Variants in CNTN1 observed in about 807,000 individuals in gnomAD.
CNTN1 encodes the protein contactin 1.
In CNTN1, 38 loss-of-function variants were observed where a neutral mutation model predicts 126.4. The observed-to-expected ratio is 0.30, with a 90% CI of 0.23 to 0.39. The LOEUF is 0.39. Ranked by LOEUF, CNTN1 falls within the 10% of genes least tolerant of loss-of-function variation. The pLI, the probability that CNTN1 is intolerant of heterozygous loss-of-function variation, is 1.00. For missense variants in CNTN1, 1,009 were observed against 1,248.4 expected (o/e 0.81, Z 2.89); for synonymous variants, 413 against 422.6 (o/e 0.98, Z 0.28).
intron 23 of CNTN1, among the ~76,000 whole-genome samples, chr12:41,060,514 T>C (rs1009509334): frequency 6.6e-6 from 1 of 152,218 alleles, no homozygotes; most frequent in Admixed American, 6.5e-5. Context: ...CAAAATGGAA[T>C]GGGCATTTGA....
chr12:40,771,093 G>A (rs1939320444), intron 1 of CNTN1, among the ~76,000 whole-genome samples: 1 of 152,138 alleles, frequency 6.6e-6, no homozygotes, highest in South Asian at 2.1e-4. Flanking sequence ...TGCTCTAAGA[G>A]AAACCCAGGA....
At chr12:40,935,654 T>C (rs1946054816) in intron 9 of CNTN1, among the ~76,000 whole-genome samples, 2 of 152,062 alleles carry the variant, frequency 1.3e-5, no homozygotes, top group Non-Finnish European at 2.9e-5. Flanking sequence ...TAAGATTGTA[T>C]ACAAAATAAA....
chr12:40,897,174 CAG>C (rs1215936515), intron 1 of CNTN1, among the ~76,000 whole-genome samples: 1 of 152,092 alleles, frequency 6.6e-6, no homozygotes, highest in Non-Finnish European at 1.5e-5. Context: ...AATTTTGAGT[CAG>C]AGAGTATAGT....
At chr12:40,707,227 CT>C (rs370984371) in intron 1 of CNTN1, among the ~76,000 whole-genome samples, 3 of 109,164 alleles carry the variant, frequency 2.7e-5, no homozygotes, top group African/African-American at 1.2e-4. Flanking sequence ...TTTTCTTTTT[CT>C]TTTTTTTTTT....
intron 20 of CNTN1, 104 bp from the exon 21 acceptor site, chr12:41,025,046 G>A: frequency 9.2e-6 from 10 of 1,082,266 alleles, no homozygotes; most frequent in Non-Finnish European, 1.4e-5. Flanking sequence ...TTGAAAATAT[G>A]ATGATCAGCC....
chr12:40,758,797 A>AT (rs1938712861), intron 1 of CNTN1, among the ~76,000 whole-genome samples: 1 of 152,190 alleles, frequency 6.6e-6, no homozygotes, highest in Admixed American at 6.5e-5. Flanking sequence ...AAGAGACTTT[A>AT]TTCCAGTGAA....
intron 1 of CNTN1, among the ~76,000 whole-genome samples, chr12:40,709,255 G>A (rs1366079542): frequency 6.6e-6 from 1 of 152,164 alleles, no homozygotes; most frequent in Non-Finnish European, 1.5e-5. Context: ...CATTGTCAAT[G>A]AGCAGTAATA....
chr12:40,723,497 G>A (rs1439641076), intron 1 of CNTN1, among the ~76,000 whole-genome samples: 1 of 152,098 alleles, frequency 6.6e-6, no homozygotes, highest in East Asian at 1.9e-4. Flanking sequence ...CTATATAAAT[G>A]TTCATCTGAG....
intron 18 of CNTN1, 87 bp downstream of exon 18, chr12:41,014,385 T>C: frequency 7.7e-7 from 1 of 1,293,484 alleles, no homozygotes; most frequent in Non-Finnish European, 1.1e-6. Context: ...TAAATTGAGA[T>C]GAAAGTGACT....
chr12:40,919,026 T>G (rs867236139), intron 4 of CNTN1, among the ~76,000 whole-genome samples: 4 of 152,184 alleles, frequency 2.6e-5, no homozygotes, highest in African/African-American at 9.6e-5. Context: ...CACTTATAAA[T>G]TGTATAATGG....
chr12:40,819,202 A>C (rs753643052), intron 1 of CNTN1, among the ~76,000 whole-genome samples: 1 of 152,110 alleles, frequency 6.6e-6, no homozygotes, highest in Non-Finnish European at 1.5e-5. Context: ...GAAGCACTTT[A>C]TCCCTTGGTG....
chr12:40,854,153 A>G (rs1050609937), intron 1 of CNTN1, among the ~76,000 whole-genome samples: 5 of 151,768 alleles, frequency 3.3e-5, no homozygotes, highest in African/African-American at 1.2e-4. Flanking sequence ...CATGCTATCT[A>G]TACTTAGGAA....
At chr12:41,055,464 T>G (rs1254961481) in intron 23 of CNTN1, among the ~76,000 whole-genome samples, 3 of 152,112 alleles carry the variant, frequency 2.0e-5, no homozygotes, top group Non-Finnish European at 2.9e-5. Flanking sequence ...GGAAGTACCC[T>G]CCTTTTTGCT....
chr12:41,031,203 T>C (rs191667671), intron 23 of CNTN1, among the ~76,000 whole-genome samples: 2 of 152,308 alleles, frequency 1.3e-5, no homozygotes, highest in Admixed American at 1.3e-4. Flanking sequence ...CACTGGTAAA[T>C]GTTAAACAGT....
At chr12:40,877,444 A>G (rs183594706) in intron 1 of CNTN1, among the ~76,000 whole-genome samples, 1 of 152,278 alleles carries the variant, frequency 6.6e-6, no homozygotes, top group Non-Finnish European at 1.5e-5. Flanking sequence ...TATTCATATA[A>G]CCCAGTTTTC....
chr12:40,855,328 T>G (rs1942866319), intron 1 of CNTN1, among the ~76,000 whole-genome samples: 1 of 152,154 alleles, frequency 6.6e-6, no homozygotes, highest in Non-Finnish European at 1.5e-5. Flanking sequence ...TTGTCTGTTG[T>G]ATTACTCTTA....
intron 1 of CNTN1, among the ~76,000 whole-genome samples, chr12:40,901,844 C>T (rs997849096): frequency 6.6e-6 from 1 of 152,100 alleles, no homozygotes; most frequent in African/African-American, 2.4e-5. Context: ...TGTATTTGAC[C>T]ACTGCAATAA....
intron 3 of CNTN1, among the ~76,000 whole-genome samples, chr12:40,911,111 C>G (rs973293592): frequency 1.3e-5 from 2 of 152,060 alleles, no homozygotes; most frequent in Non-Finnish European, 2.9e-5. Flanking sequence ...GATGGAGTCT[C>G]GCTCTGTCAC....
intron 1 of CNTN1, among the ~76,000 whole-genome samples, chr12:40,706,670 T>C (rs1375939993): frequency 1.3e-5 from 2 of 152,210 alleles, no homozygotes; most frequent in South Asian, 2.1e-4. Flanking sequence ...TGTAATAATA[T>C]TTCATATTCT....
Sources: allele counts gnomAD v4.1 joint callset (sites outside exome capture counted in the v4.1 genomes callset), GRCh38; gene constraint gnomAD v4.1.1; transcripts MANE v1.5; gene names NCBI Gene and HGNC (gene_info 2026-07-23, HGNC 2026-07-21).